Variants in DDX60L observed in about 807,000 individuals in gnomAD.
DDX60L encodes the protein DExD/H-box 60 like.
Under a neutral mutation model 211.6 loss-of-function variants are expected in DDX60L, and 191 were observed. The observed-to-expected ratio is 0.90, with a 90% CI of 0.80 to 1.02. The LOEUF (loss-of-function observed/expected upper bound fraction) is 1.02, where lower values mean the gene tolerates loss of function less well. Among genes scored for constraint, DDX60L ranks in the 50% least tolerant of loss-of-function variants. The pLI is 0.00. For missense variants in DDX60L, 2,007 were observed against 1,984.1 expected (o/e 1.01, Z -0.22); for synonymous variants, 706 against 694.1 (o/e 1.02, Z -0.27).
chr4:168,364,534 T>G (rs1360422605), intron 36 of DDX60L, among the ~76,000 whole-genome samples: 4 of 152,176 alleles, frequency 2.6e-5, no homozygotes, highest in African/African-American at 9.7e-5. Context: ...AACTGCACCA[T>G]AGACCAAATT....
At chr4:168,365,281 G>T (rs922289210) in intron 36 of DDX60L, among the ~76,000 whole-genome samples, 2 of 151,834 alleles carry the variant, frequency 1.3e-5, no homozygotes, top group African/African-American at 2.4e-5. Context: ...CCTTTAGCTA[G>T]ACTAAGAAAA....
chr4:168,452,059 T>C (rs991129674), intron 8 of DDX60L, among the ~76,000 whole-genome samples: 6 of 152,202 alleles, frequency 3.9e-5, no homozygotes, highest in African/African-American at 1.4e-4. Context: ...TACTGCTTAT[T>C]CAATAATGCA....
At chr4:168,414,266 A>G (rs1749154132) in intron 22 of DDX60L, among the ~76,000 whole-genome samples, 2 of 152,154 alleles carry the variant, frequency 1.3e-5, no homozygotes, top group African/African-American at 4.8e-5. Context: ...ATGAGCATTA[A>G]GAAACCACCT....
At chr4:168,465,436 T>C (rs541836645) in intron 4 of DDX60L, among the ~76,000 whole-genome samples, 23 of 152,260 alleles carry the variant, frequency 1.5e-4, no homozygotes, top group Non-Finnish European at 2.6e-4. Flanking sequence ...TTCTTCCCAT[T>C]CTGAAGGTGT....
intron 14 of DDX60L, among the ~76,000 whole-genome samples, chr4:168,424,222 A>G (rs919688598): frequency 3.9e-5 from 6 of 152,208 alleles, no homozygotes; most frequent in African/African-American, 1.4e-4. Context: ...TCTTGACCAC[A>G]TACAGTACTT....
intron 36 of DDX60L, among the ~76,000 whole-genome samples, chr4:168,367,895 G>A (rs1433040410): frequency 6.6e-6 from 1 of 152,180 alleles, no homozygotes; most frequent in Non-Finnish European, 1.5e-5. Flanking sequence ...ATGATTTAGG[G>A]TACCTGGAGA....
At chr4:168,378,596 T>C in intron 32 of DDX60L, 121 bp from the exon 33 acceptor site, 4 of 665,606 alleles carry the variant, frequency 6.0e-6, no homozygotes, top group Non-Finnish European at 7.4e-6. Flanking sequence ...AGCAAATATA[T>C]ACCTCAGAAA....
chr4:168,402,967 T>A (rs1202290622), intron 25 of DDX60L, among the ~76,000 whole-genome samples: 2 of 152,210 alleles, frequency 1.3e-5, no homozygotes, highest in African/African-American at 4.8e-5. Context: ...AAATAATGAA[T>A]CCTGTTTCTG....
chr4:168,466,043 G>T (rs1016439742), intron 4 of DDX60L, among the ~76,000 whole-genome samples: 7 of 152,164 alleles, frequency 4.6e-5, no homozygotes, highest in African/African-American at 1.7e-4. Flanking sequence ...AAAACCATTA[G>T]ATGCAAATTT....
rs553417259 is a variant in DDX60L, at chr4:168,384,516, T to C, written c.4116+96A>G. On this transcript the variant is annotated intron_variant, in intron 30 of 37. Transcript: ENST00000682922. ...ACAATCAAACAAAAAGAAAGTTTAT[T>C]TTCTTTCTCAAGACAGACTTCTAAA... 4 of 1,471,900 alleles carry C rather than the reference T, an allele frequency of 2.7e-6. No homozygotes were observed. The African/African-American group carries it at 5.6e-5, about 21-fold the overall frequency. The allele number at this position is 1,471,900 out of a possible 1,614,324, so 91.2% of individuals were successfully genotyped here.
At chr4:168,376,655 G>C (rs1010314334) in intron 33 of DDX60L, among the ~76,000 whole-genome samples, 3 of 152,194 alleles carry the variant, frequency 2.0e-5, no homozygotes, top group African/African-American at 7.2e-5. Flanking sequence ...AAGTGATATG[G>C]TCTCTTTACT....
At position 168,421,842 on chromosome 4, in the gene DDX60L, T is replaced by C. The variant is rs778442784; in HGVS notation, c.2312A>G (p.Lys771Arg). The C allele has an allele frequency of 1.2e-6, 2 of 1,614,188 alleles. No homozygotes were observed. Among genetic ancestry groups the C allele is most frequent in the East Asian group, 2.2e-5 (1 of 44,878 alleles). Residue 771 changes from lysine to arginine, a missense_variant, in exon 17 of 38, where the codon AAA becomes AGA. Physicochemically the swap from Lys to Arg is conservative, Grantham distance 26 (BLOSUM62 2). Coordinates refer to ENST00000682922, the MANE Select transcript of DDX60L (RefSeq NM_001012967.3). Reference protein sequence around the residue: ...AVIVAPTSSGKTYASYYCMEK... With the variant: ...AVIVAPTSSGRTYASYYCMEK... ...CATGCAGTAGTAGGAAGCATAGGTT[T>C]TGCCTGAGGACGTTGGGGCAACAAT...
intron 33 of DDX60L, among the ~76,000 whole-genome samples, chr4:168,376,984 C>T (rs1022906945): frequency 6.6e-6 from 1 of 152,076 alleles, no homozygotes; most frequent in Admixed American, 6.6e-5. Context: ...AGTAATTATA[C>T]ATCAGTTTTA....
At position 168,453,144 on chromosome 4, in the gene DDX60L, T is replaced by A. The variant is rs763310781; in HGVS notation, c.976A>T (p.Ser326Cys). Reference protein sequence around the residue: ...RVITCSWIRNSDSFLKMNKWC... With the variant: ...RVITCSWIRNCDSFLKMNKWC... Reference sequence around the variant, plus strand: ...TTTACCATTTTTAAGAAAGAATCACTGTTCCTAATCCAAGAGCATGTGATG... The same window carrying A: ...TTTACCATTTTTAAGAAAGAATCACAGTTCCTAATCCAAGAGCATGTGATG... The change falls in exon 8 of 38, where the codon AGT (serine) becomes TGT (cysteine). Residue 326 changes from serine (S) to cysteine (C), a missense_variant. Transcript: ENST00000682922. 1 of 1,608,972 alleles carries A rather than the reference T, an allele frequency of 6.2e-7. No homozygotes were observed. Among genetic ancestry groups the A allele is most frequent in the Non-Finnish European group, 8.5e-7 (1 of 1,178,176 alleles).
At chr4:168,384,486 C>A in intron 30 of DDX60L, 126 bp downstream of exon 30, 1 of 1,251,010 alleles carries the variant, frequency 8.0e-7, no homozygotes, top group South Asian at 1.4e-5. Context: ...GACCCTGTCT[C>A]CAAAACAATC....
At chr4:168,421,700 A>G (rs1185633783) in intron 17 of DDX60L, 60 bp downstream of exon 17, 3 of 1,591,040 alleles carry the variant, frequency 1.9e-6, no homozygotes, top group East Asian at 4.5e-5. Flanking sequence ...GACCGTGTGC[A>G]TTCTTTTTAA....
intron 14 of DDX60L, among the ~76,000 whole-genome samples, chr4:168,425,038 A>G (rs1021317): frequency 0.23 from 34,875 of 152,142 alleles, 4,234 homozygotes; most frequent in Non-Finnish European, 0.25. Flanking sequence ...AGCATCAGCC[A>G]CCAACTGCAT....
intron 4 of DDX60L, among the ~76,000 whole-genome samples, chr4:168,467,445 CAA>C (rs199648164): frequency 8.3e-5 from 9 of 109,080 alleles, no homozygotes; most frequent in African/African-American, 9.8e-5. Context: ...GTTTCCATTC[CAA>C]AAAAAAAAAA....
At position 168,432,490 on chromosome 4, in the gene DDX60L, C is replaced by G. The variant is rs1362114379; in HGVS notation, c.1481G>C (p.Ser494Thr). 1.3e-6 allele frequency: 2 copies of G among 1,582,514 alleles called. No homozygotes were observed. The highest frequency in any genetic ancestry group is 1.7e-6 in the Non-Finnish European group (2 of 1,162,108). Residue 494 changes from serine (S) to threonine (T), a missense_variant, in exon 12 of 38, where the codon AGT becomes ACT. Coordinates refer to ENST00000682922, the MANE Select transcript of DDX60L (RefSeq NM_001012967.3). ...LLHWHAQRLL[S>T]DDYDRIKCHV... ...ACATTTGATCCTGTCATAGTCGTCA[C>G]TAAGGAGTCTTTGAGCATGCCAGTG...
Sources: allele counts gnomAD v4.1 joint callset (sites outside exome capture counted in the v4.1 genomes callset), GRCh38; gene constraint gnomAD v4.1.1; transcripts MANE v1.5; gene names NCBI Gene and HGNC (gene_info 2026-07-23, HGNC 2026-07-21).